Variants in NRXN3 observed in about 807,000 individuals in gnomAD.
NRXN3 encodes the protein neurexin 3, also known as neurexin III.
A neutral mutation model predicts 137.6 loss-of-function variants in NRXN3; 32 were observed. The ratio of observed to expected loss-of-function variants is 0.23; its 90% CI spans 0.18 to 0.31. The LOEUF is 0.31. Among genes scored for constraint, NRXN3 ranks in the 10% least tolerant of loss-of-function variants. The probability of loss-of-function intolerance (pLI) is 1.00; values close to 1 mark genes in which losing one functional copy is unlikely to be tolerated. For missense variants in NRXN3, 1,574 were observed against 2,062.5 expected, an observed-to-expected ratio of 0.76 and a Z score of 4.59; for synonymous variants, 798 against 784.5, an observed-to-expected ratio of 1.02 and a Z score of -0.29.
In NRXN3 at chr14:79,384,592, G is replaced by C. The variant is rs564641796; in HGVS notation, c.3263-82629G>C. On this transcript the variant is annotated intron_variant, in intron 15 of 20. Coordinates refer to ENST00000335750, the MANE Select transcript of NRXN3 (RefSeq NM_001330195.2). ...CAGATTATGTTAACCCAAAGTTTTG[G>C]CCTCATTTCTCAAGGAAGGGGCTAC... Among the ~76,000 whole-genome samples, 69 of 152,190 alleles carry C rather than the reference G, an allele frequency of 4.5e-4. No homozygotes were observed. In the South Asian group the frequency reaches 0.014, roughly 31 times the overall value.
Position 79,504,346 on chromosome 14 carries a change from C to T in NRXN3, c.3444+36944C>T, listed in dbSNP as rs145809878. Among the ~76,000 whole-genome samples, 47 of 152,144 alleles carry T rather than the reference C, an allele frequency of 3.1e-4. 2 individuals carry two copies. The East Asian group carries it at 7.5e-3, about 24-fold the overall frequency. On this transcript the variant is annotated intron_variant, in intron 16 of 20. Transcript: ENST00000335750. ...TCCTCACTTTGCTTAGACTGGAACACAAAATTTTATCTATTTTAATGTTCC... is the reference window on the plus strand; with the variant it reads ...TCCTCACTTTGCTTAGACTGGAACATAAAATTTTATCTATTTTAATGTTCC...
chr14:79,467,059 G>T (rs2096436837), intron 15 of NRXN3, among the ~76,000 whole-genome samples, 162 bp from the exon 16 acceptor site: 1 of 152,194 alleles, frequency 6.6e-6, no homozygotes, highest in South Asian at 2.1e-4. Context: ...GGTGATAGCT[G>T]CCTTCAGAAG....
intron 15 of NRXN3, among the ~76,000 whole-genome samples, chr14:79,275,679 T>TG (rs1204370048): frequency 6.6e-6 from 1 of 151,146 alleles, no homozygotes; most frequent in East Asian, 2.0e-4. Context: ...AAGGGTCTGA[T>TG]GGGTAAAGAT....
At chr14:79,343,617 C>T (rs976107115) in intron 15 of NRXN3, among the ~76,000 whole-genome samples, 1 of 152,156 alleles carries the variant, frequency 6.6e-6, no homozygotes, top group Non-Finnish European at 1.5e-5. Flanking sequence ...TTGTGTACCT[C>T]TCAAATGTTG....
chr14:79,554,096 C>G (rs1356141819), intron 16 of NRXN3, among the ~76,000 whole-genome samples: 1 of 151,900 alleles, frequency 6.6e-6, no homozygotes, highest in Non-Finnish European at 1.5e-5. Flanking sequence ...AAAGGGTGGT[C>G]GGGAAAGAGG....
At chr14:79,127,067 G>T (rs36126926) in intron 15 of NRXN3, among the ~76,000 whole-genome samples, 2 of 151,652 alleles carry the variant, frequency 1.3e-5, no homozygotes, top group Admixed American at 1.3e-4. Context: ...TGTAGATTCT[G>T]GATATTAGCC....
chr14:78,328,202 A>G (rs565529756), intron 4 of NRXN3, among the ~76,000 whole-genome samples: 1 of 152,264 alleles, frequency 6.6e-6, no homozygotes, highest in African/African-American at 2.4e-5. Context: ...GTGAGTTAAA[A>G]TCCCAATTGT....
intron 15 of NRXN3, among the ~76,000 whole-genome samples, chr14:79,174,460 A>T (rs1318842228): frequency 6.7e-6 from 1 of 150,234 alleles, no homozygotes; most frequent in East Asian, 1.9e-4. Context: ...GCTTTTTTTT[A>T]AAAAAGATTA....
At chr14:79,713,398 C>CAAAA (rs911891313) in intron 19 of NRXN3, among the ~76,000 whole-genome samples, 1 of 147,292 alleles carries the variant, frequency 6.8e-6, no homozygotes, top group African/African-American at 2.5e-5. Flanking sequence ...CACATACACA[C>CAAAA]AAAAAATGAA....
rs1200725965 is a variant in NRXN3, at chr14:79,130,850, C to T, written c.3262+142709C>T. On this transcript the variant is annotated intron_variant, in intron 15 of 20. Transcript: ENST00000335750. ...GTAGATTTGGTCTTTTCACATAGTC[C>T]CATATTTCTTGGAGGCTTTGCTCAT... is the stretch of plus-strand genomic sequence containing the variant. 6.6e-5 allele frequency among the ~76,000 whole-genome samples: 10 copies of T among 152,150 alleles called. No individual in the cohort carries two copies. The South Asian group carries it at 1.9e-3, about 28-fold the overall frequency.
chr14:78,879,212 TTGGATA>T (rs1169319399), intron 10 of NRXN3, among the ~76,000 whole-genome samples: 1 of 152,240 alleles, frequency 6.6e-6, no homozygotes, highest in Non-Finnish European at 1.5e-5. Context: ...TTCTTTTCCT[TTGGATA>T]TATACCCTGT....
chr14:78,474,507 A>ATCATGCAATGGTAGCT (rs6145400), intron 4 of NRXN3, among the ~76,000 whole-genome samples: 1 of 152,136 alleles, frequency 6.6e-6, no homozygotes, highest in African/African-American at 2.4e-5. Context: ...GGCTCAACTT[A>ATCATGCAATGGTAGCT]TCAAGTTATG....
chr14:78,865,464 A>T (rs1350722469), intron 10 of NRXN3, among the ~76,000 whole-genome samples: 1 of 152,208 alleles, frequency 6.6e-6, no homozygotes, highest in Admixed American at 6.5e-5. Context: ...TGACAACTTG[A>T]GACTGGCTAT....
chr14:79,082,391 T>TTGTGTGTGTGTGTGTGTGTGTG (rs57728169), intron 15 of NRXN3, among the ~76,000 whole-genome samples: 16 of 146,934 alleles, frequency 1.1e-4, no homozygotes, highest in African/African-American at 2.8e-4. Flanking sequence ...TGCAAACTAA[T>TTGTGTGTGTGTGTGTGTGTGTG]TGTGTGTGTG....
chr14:79,770,277 A>G (rs1046395888), intron 19 of NRXN3, among the ~76,000 whole-genome samples: 6 of 152,126 alleles, frequency 3.9e-5, no homozygotes, highest in Non-Finnish European at 7.3e-5. Flanking sequence ...AGCGGACCTA[A>G]TAGACATCTC....
In NRXN3 at chr14:78,366,700, T is replaced by G. The variant is rs1393418702; in HGVS notation, c.757+68840T>G. On this transcript the variant is annotated intron_variant, in intron 4 of 20. Coordinates refer to ENST00000335750, the MANE Select transcript of NRXN3 (RefSeq NM_001330195.2). ...AGAGCTTGTGCAGGGAAACTCCCAT[T>G]CTTAAAACTAATAGATCTTGTGAGA... is the stretch of plus-strand genomic sequence containing the variant. Among the ~76,000 whole-genome samples, 4 of 152,142 alleles carry G rather than the reference T, an allele frequency of 2.6e-5. No homozygotes were observed. The East Asian group carries it at 7.7e-4, about 29-fold the overall frequency.
At chr14:78,455,000 C>T (rs1161750358) in intron 4 of NRXN3, among the ~76,000 whole-genome samples, 1 of 152,156 alleles carries the variant, frequency 6.6e-6, no homozygotes. Context: ...TTTTTGTTTC[C>T]TTGGCCTTGA....
chr14:79,863,758 A>C lies in NRXN3; in HGVS notation c.*1794A>C. On this transcript the variant is annotated 3_prime_UTR_variant, in exon 21 of 21. Coordinates refer to ENST00000335750, the MANE Select transcript of NRXN3 (RefSeq NM_001330195.2). Reference sequence around the variant, plus strand: ...GAGACAAAGCAAGACAAATATTCACACAAAAATGAAGTGTGTCCTCTGGAG... The same window carrying C: ...GAGACAAAGCAAGACAAATATTCACCCAAAAATGAAGTGTGTCCTCTGGAG... The C allele has an allele frequency of 6.6e-6, 1 of 152,662 alleles. No individual in the cohort carries two copies. 9.5% of individuals were successfully genotyped at this position (152,662 alleles called of 1,614,324 possible).
intron 10 of NRXN3, among the ~76,000 whole-genome samples, chr14:78,903,515 T>G (rs1021779465): frequency 1.3e-5 from 2 of 152,006 alleles, no homozygotes; most frequent in Non-Finnish European, 2.9e-5. Context: ...TTAAATTGCA[T>G]ACTTCCCATT....
Sources: allele counts gnomAD v4.1 joint callset (sites outside exome capture counted in the v4.1 genomes callset), GRCh38; gene constraint gnomAD v4.1.1; transcripts MANE v1.5; gene names NCBI Gene and HGNC (gene_info 2026-07-23, HGNC 2026-07-21).